The following CELF6 variants were observed in gnomAD, a reference collection of about 807,000 sequenced individuals.
The protein encoded by CELF6 is Bruno -like 6, RNA binding protein.
A neutral mutation model predicts 53.1 loss-of-function variants in CELF6; 32 were observed. The observed-to-expected ratio is 0.60, with a 90% confidence interval of 0.46 to 0.81. CELF6 has a LOEUF of 0.81. Among genes scored for constraint, CELF6 ranks in the 30% least tolerant of loss-of-function variants. The probability of loss-of-function intolerance (pLI) is 0.00; values close to 1 mark genes in which losing one functional copy is unlikely to be tolerated. For synonymous variants in CELF6, 291 were observed against 288.8 expected, an observed-to-expected ratio of 1.01 and a Z score of -0.08; for missense variants, 539 against 669.5, an observed-to-expected ratio of 0.81 and a Z score of 2.15.
chr15:72,289,139 T>C lies in CELF6; in HGVS notation c.1029A>G (p.Pro343=), dbSNP rs1268358107. The C allele has an allele frequency of 6.5e-7, 1 of 1,528,370 alleles. No individual in the cohort carries two copies. Among genetic ancestry groups the C allele is most frequent in the East Asian group, 2.3e-5 (1 of 43,626 alleles). 94.7% of individuals were successfully genotyped at this position (1,528,370 alleles called of 1,614,324 possible). ...TLYNNGLSPY[P]AQSPGVADPL... ...ATTTGGGCGGAGCGGGGGGCCCACC[T>C]GGATAAGGGGAGAGCCCGTTATTGT... The change falls in exon 8 of 13, where the codon CCA becomes CCG. Residue 343 remains proline (P), a splice_region_variant and synonymous_variant. Transcript: ENST00000287202. The surrounding 1 kb of genome is among the most constrained non-coding windows in gnomAD (Gnocchi z 7.6).
intron 2 of CELF6, among the ~76,000 whole-genome samples, chr15:72,314,375 C>G (rs576195415): frequency 6.6e-6 from 1 of 152,266 alleles, no homozygotes; most frequent in African/African-American, 2.4e-5. Context: ...CCAACCCCAA[C>G]AGTAGTACTT....
intron 3 of CELF6, among the ~76,000 whole-genome samples, chr15:72,303,207 A>C (rs533534579): frequency 9.8e-5 from 15 of 152,314 alleles, no homozygotes; most frequent in African/African-American, 3.6e-4. Flanking sequence ...TTGATGCATA[A>C]AAGAGTTTCC....
intron 2 of CELF6, among the ~76,000 whole-genome samples, chr15:72,314,589 G>GTTTTTTTTTTCTTTT (rs2088337640): frequency 1.0e-5 from 1 of 97,858 alleles, no homozygotes; most frequent in African/African-American, 4.8e-5. Context: ...AAAACCCAGT[G>GTTTTTTTTTTCTTTT]TTTTTTTTTT....
Position 72,289,010 on chromosome 15 carries a change from G to A in CELF6, c.1031-80C>T. On this transcript the variant is annotated intron_variant, in intron 8 of 12. Coordinates refer to ENST00000287202, the MANE Select transcript of CELF6 (RefSeq NM_052840.5). This position sits in a 1 kb window ranked among gnomAD's most constrained non-coding sequence, Gnocchi z 7.6. ...GGTGAGAAGCTCAGGGAGTGTGGGA[G>A]GTGGACGGCGGCTGTGAGAGACAGC... 1 of 1,370,710 alleles carries A rather than the reference G, an allele frequency of 7.3e-7. No individual in the cohort carries two copies. The highest frequency in any genetic ancestry group is 1.0e-6 in the Non-Finnish European group (1 of 998,758). 84.9% of individuals were successfully genotyped at this position (1,370,710 alleles called of 1,614,324 possible).
intron 11 of CELF6, among the ~76,000 whole-genome samples, chr15:72,287,830 A>G (rs1407052975): frequency 6.8e-6 from 1 of 147,868 alleles, no homozygotes; most frequent in Admixed American, 6.7e-5. Flanking sequence ...CCTGAAATAA[A>G]GCTCGTTCTT....
rs2088401141 is a variant in CELF6, at chr15:72,319,542, G to C, written c.262+71C>G. On this transcript the variant is annotated intron_variant, in intron 1 of 12. Coordinates refer to ENST00000287202, the MANE Select transcript of CELF6 (RefSeq NM_052840.5). The surrounding 1 kb of genome is among the most constrained non-coding windows in gnomAD (Gnocchi z 5.0). ...ACTGGCTCTCGGCAGGGCTAGGGCT[G>C]GGGCTGGGCTGGGGTCGGGCCACAC... is the stretch of plus-strand genomic sequence containing the variant. The C allele has an allele frequency of 2.0e-6, 3 of 1,468,318 alleles. No individual in the cohort carries two copies. The allele number at this position is 1,468,318 out of a possible 1,614,324, so 91.0% of individuals were successfully genotyped here. A position where few individuals can be genotyped will look rare whatever the true frequency, so the allele number is the denominator to read the frequency against.
At chr15:72,305,139 T>C (rs1236594528) in intron 2 of CELF6, among the ~76,000 whole-genome samples, 1 of 152,122 alleles carries the variant, frequency 6.6e-6, no homozygotes, top group South Asian at 2.1e-4. Context: ...CATGAGAGGA[T>C]TGGGAAGGAG....
chr15:72,317,955 A>G (rs2088382134), intron 1 of CELF6, among the ~76,000 whole-genome samples: 1 of 152,206 alleles, frequency 6.6e-6, no homozygotes, highest in Non-Finnish European at 1.5e-5. Flanking sequence ...AGGCAGAATT[A>G]GAGCTAAATG....
chr15:72,305,412 G>A (rs2088213014), intron 2 of CELF6, among the ~76,000 whole-genome samples: 1 of 152,140 alleles, frequency 6.6e-6, no homozygotes, highest in South Asian at 2.1e-4. Flanking sequence ...TCTCCATGTT[G>A]GCTAAGTTAT....
intron 3 of CELF6, among the ~76,000 whole-genome samples, chr15:72,295,658 AG>A: frequency 6.8e-6 from 1 of 147,992 alleles, no homozygotes; most frequent in Non-Finnish European, 1.5e-5. Context: ...CCCAGGATGC[AG>A]AGGTTGCAGT....
At chr15:72,303,323 G>A (rs1397653645) in intron 3 of CELF6, among the ~76,000 whole-genome samples, 3 of 152,362 alleles carry the variant, frequency 2.0e-5, no homozygotes, top group African/African-American at 7.2e-5. Flanking sequence ...GAGAATGTGT[G>A]TGTGGATGGA....
chr15:72,288,164 G>A lies in CELF6; in HGVS notation c.1318+144C>T. On this transcript the variant is annotated intron_variant, in intron 11 of 12. Coordinates refer to ENST00000287202, the MANE Select transcript of CELF6 (RefSeq NM_052840.5). This position sits in a 1 kb window ranked among gnomAD's most constrained non-coding sequence, Gnocchi z 4.6. The stretch of plus-strand genomic sequence containing the variant: ...AGGCTTGTTGTTGGCCTAAACTTAG[G>A]CCCATCACTGGTTTGTGACCCTGTT... 2 of 919,556 alleles carry A rather than the reference G, an allele frequency of 2.2e-6. No individual in the cohort carries two copies. The highest frequency in any genetic ancestry group is 2.4e-5 in the East Asian group (1 of 41,536). The allele number at this position is 919,556 out of a possible 1,614,324, so 57.0% of individuals were successfully genotyped here.
At chr15:72,302,764 C>T (rs1240361301) in intron 3 of CELF6, among the ~76,000 whole-genome samples, 4 of 152,208 alleles carry the variant, frequency 2.6e-5, no homozygotes, top group Middle Eastern at 3.2e-3. Context: ...TGCGGACATG[C>T]TCTTCCTCTG....
intron 3 of CELF6, 47 bp downstream of exon 3, chr15:72,304,693 CCACCCT>C (rs2088203341): frequency 1.3e-6 from 2 of 1,549,558 alleles, no homozygotes; most frequent in Middle Eastern, 1.7e-4. Flanking sequence ...AGGTGTGGGC[CCACCCT>C]CCCTTACACG....
chr15:72,290,069 T>G (rs1595775140), intron 4 of CELF6, 51 bp from the exon 5 acceptor site: 1 of 1,611,990 alleles, frequency 6.2e-7, no homozygotes, highest in Non-Finnish European at 8.5e-7. Context: ...GGCCAAAGAG[T>G]TATGTGGCCC....
chr15:72,298,703 T>C (rs2088110182), intron 3 of CELF6, among the ~76,000 whole-genome samples: 2 of 152,198 alleles, frequency 1.3e-5, no homozygotes, highest in African/African-American at 4.8e-5. Context: ...ATATTTTGCT[T>C]TAGGACTAAA....
chr15:72,287,152 T>C, intron 12 of CELF6, 85 bp downstream of exon 12: 1 of 1,353,592 alleles, frequency 7.4e-7, no homozygotes, highest in African/African-American at 1.5e-5. Context: ...GGTGGGTGCC[T>C]CCAAGGTCCC....
intron 2 of CELF6, among the ~76,000 whole-genome samples, chr15:72,314,248 T>A (rs1263711240): frequency 6.6e-6 from 1 of 152,218 alleles, no homozygotes; most frequent in African/African-American, 2.4e-5. Context: ...AAGTGACTTC[T>A]TTATACTGAG....
chr15:72,300,718 C>T (rs2141195314), intron 3 of CELF6, among the ~76,000 whole-genome samples: 1 of 151,962 alleles, frequency 6.6e-6, no homozygotes, highest in South Asian at 2.1e-4. Flanking sequence ...CCTGTTATCA[C>T]AGCTACTCAG....
Sources: allele counts gnomAD v4.1 joint callset (sites outside exome capture counted in the v4.1 genomes callset), GRCh38; gene constraint gnomAD v4.1.1; non-coding constraint Gnocchi (gnomAD v3.1); transcripts MANE v1.5; gene names NCBI Gene and HGNC (gene_info 2026-07-23, HGNC 2026-07-21).